Variants in IL1RAPL2 observed in about 807,000 individuals in gnomAD.
IL1RAPL2 encodes the protein X-linked interleukin-1 receptor accessory protein-like 2.
A neutral mutation model predicts 44.1 loss-of-function variants in IL1RAPL2; 3 were observed. The ratio of observed to expected loss-of-function variants is 0.07; its 90% CI spans 0.03 to 0.18. The LOEUF (loss-of-function observed/expected upper bound fraction) is 0.18. Ranked by LOEUF, IL1RAPL2 falls within the 10% of genes least tolerant of loss-of-function variation. The pLI is 1.00. For synonymous variants in IL1RAPL2, 181 were observed against 178.8 expected (o/e 1.01, Z -0.10); for missense variants, 391 against 496.4 (o/e 0.79, Z 2.02).
At chrX:105,354,265 A>G (rs1271991626) in intron 5 of IL1RAPL2, among the ~76,000 whole-genome samples, 14 of 110,512 alleles carry the variant, frequency 1.3e-4, no homozygotes, top group African/African-American at 4.3e-4. Context: ...ATGTCCAACA[A>G]TGATAGACTG....
At position 105,271,926 on chromosome X, in the gene IL1RAPL2, A is replaced by G. The variant is rs765102225; in HGVS notation, c.697+4385A>G. On this transcript the variant is annotated intron_variant, in intron 5 of 10. Coordinates refer to ENST00000372582, the MANE Select transcript of IL1RAPL2 (RefSeq NM_017416.2). ...CTTTGCTGAAGTTGCTTATCAGCTTAAGGAGATTTTGGGCTGAGACAATGG... is the reference window on the plus strand; with the variant it reads ...CTTTGCTGAAGTTGCTTATCAGCTTGAGGAGATTTTGGGCTGAGACAATGG... 9.3e-4 allele frequency among the ~76,000 whole-genome samples: 101 copies of G among 108,946 alleles called. 1 individual carries two copies. The highest frequency in any genetic ancestry group is 3.3e-3 in the African/African-American group (98 of 29,922). 94.6% of individuals were successfully genotyped at this position (108,946 alleles called of 115,157 possible). A position where few individuals can be genotyped will look rare whatever the true frequency, so the allele number is the denominator to read the frequency against.
chrX:105,007,684 G>A (rs886335471), intron 2 of IL1RAPL2, among the ~76,000 whole-genome samples: 3 of 111,434 alleles, frequency 2.7e-5, no homozygotes, highest in Non-Finnish European at 5.7e-5. Context: ...AGAGCTCTGC[G>A]CCTACCTTTT....
intron 5 of IL1RAPL2, among the ~76,000 whole-genome samples, chrX:105,359,019 C>T (rs934706447): frequency 1.8e-5 from 2 of 112,060 alleles, no homozygotes; most frequent in African/African-American, 6.5e-5. Context: ...TTTTGAATTC[C>T]TTCATCAGGC....
At chrX:105,568,609 G>A (rs1188980032) in intron 6 of IL1RAPL2, among the ~76,000 whole-genome samples, 1 of 111,974 alleles carries the variant, frequency 8.9e-6, no homozygotes, top group Non-Finnish European at 1.9e-5. Flanking sequence ...TATCCCTGAA[G>A]CTTAACATGT....
chrX:104,896,361 G>A (rs1305656941), intron 2 of IL1RAPL2, among the ~76,000 whole-genome samples: 2 of 111,585 alleles, frequency 1.8e-5, no homozygotes, highest in East Asian at 2.9e-4. Flanking sequence ...CCTTTCACTG[G>A]CCTTAAGAGT....
At chrX:105,020,561 G>A (rs1476146449) in intron 2 of IL1RAPL2, among the ~76,000 whole-genome samples, 1 of 111,701 alleles carries the variant, frequency 9.0e-6, no homozygotes, top group Non-Finnish European at 1.9e-5. Context: ...ACTACATAAG[G>A]CTATGAAAAT....
At chrX:104,968,979 C>CTGTGTGTGTGTGTGTGTGTG (rs35842489) in intron 2 of IL1RAPL2, among the ~76,000 whole-genome samples, 24 of 82,052 alleles carry the variant, frequency 2.9e-4, no homozygotes, top group African/African-American at 1.0e-3. Context: ...TTGCCTTTTG[C>CTGTGTGTGTGTGTGTGTGTG]TGTGTGTGTG....
At chrX:105,494,753 C>G (rs1200456137) in intron 6 of IL1RAPL2, among the ~76,000 whole-genome samples, 1 of 111,283 alleles carries the variant, frequency 9.0e-6, no homozygotes, top group Non-Finnish European at 1.9e-5. Context: ...CTCCTGGGCT[C>G]AAGTGATCCT....
chrX:105,202,370 G>C (rs1419186184), intron 3 of IL1RAPL2, among the ~76,000 whole-genome samples: 2 of 112,256 alleles, frequency 1.8e-5, no homozygotes, highest in African/African-American at 3.2e-5. Flanking sequence ...TAAGTGACTT[G>C]GTTTTATGGC....
chrX:105,674,484 C>T (rs947103856), intron 6 of IL1RAPL2, among the ~76,000 whole-genome samples: 3 of 111,306 alleles, frequency 2.7e-5, no homozygotes, highest in Admixed American at 9.6e-5. Flanking sequence ...GTTGTACATG[C>T]GCAATCTTAT....
intron 2 of IL1RAPL2, among the ~76,000 whole-genome samples, chrX:104,938,690 C>G (rs1169493444): frequency 9.2e-6 from 1 of 109,065 alleles, no homozygotes; most frequent in Non-Finnish European, 1.9e-5. Context: ...AAAAAAAACC[C>G]AGTAATAGCA....
chrX:105,092,231 C>A lies in IL1RAPL2; in HGVS notation c.83-103244C>A, dbSNP rs1026971812. Among the ~76,000 whole-genome samples, 4 of 111,274 alleles carry A rather than the reference C, an allele frequency of 3.6e-5. No homozygotes were observed. In the East Asian group the frequency reaches 8.5e-4, roughly 24 times the overall value. ...CCAAGACTGCACTCACTTCTGACAC[C>A]AACTGCAACTTTGGATGATTCCCAA... On this transcript the variant is annotated intron_variant, in intron 2 of 10. Coordinates refer to ENST00000372582, the MANE Select transcript of IL1RAPL2 (RefSeq NM_017416.2).
intron 2 of IL1RAPL2, among the ~76,000 whole-genome samples, chrX:104,891,902 G>T (rs1450328622): frequency 9.0e-6 from 1 of 111,430 alleles, no homozygotes; most frequent in African/African-American, 3.3e-5. Flanking sequence ...TCCAGTTTTT[G>T]CCCATTCAGT....
chrX:105,140,849 T>C (rs1374378313), intron 2 of IL1RAPL2, among the ~76,000 whole-genome samples: 2 of 111,679 alleles, frequency 1.8e-5, no homozygotes, highest in African/African-American at 6.5e-5. Flanking sequence ...TGTGGATATG[T>C]AGAGGTGAAG....
intron 2 of IL1RAPL2, among the ~76,000 whole-genome samples, chrX:104,660,384 C>T (rs1353120478): frequency 1.9e-5 from 2 of 107,688 alleles, no homozygotes; most frequent in Non-Finnish European, 3.8e-5. Context: ...GGAGCAGATC[C>T]GAAAGGAAAA....
intron 3 of IL1RAPL2, among the ~76,000 whole-genome samples, chrX:105,228,113 A>C (rs1211494604): frequency 8.9e-6 from 1 of 112,153 alleles, no homozygotes; most frequent in Non-Finnish European, 1.9e-5. Context: ...CAATGACTGT[A>C]GATCGATTAA....
chrX:105,447,912 T>A (rs2035985101), intron 5 of IL1RAPL2, among the ~76,000 whole-genome samples: 1 of 95,481 alleles, frequency 1.0e-5, no homozygotes, highest in Non-Finnish European at 2.0e-5. Flanking sequence ...ATGTTAAAAA[T>A]ATAAATATAT....
At chrX:105,515,038 AG>A (rs1374793144) in intron 6 of IL1RAPL2, among the ~76,000 whole-genome samples, 3 of 111,800 alleles carry the variant, frequency 2.7e-5, no homozygotes, top group Non-Finnish European at 5.6e-5. Flanking sequence ...GAAAATAAAT[AG>A]TAATGATAAT....
intron 5 of IL1RAPL2, among the ~76,000 whole-genome samples, chrX:105,365,935 C>T (rs2035290742): frequency 9.2e-6 from 1 of 108,429 alleles, no homozygotes; most frequent in Admixed American, 9.9e-5. Context: ...CACCACCAGA[C>T]CTGGCTAATT....
Sources: gnomAD v4.1 joint callset for allele counts (sites outside exome capture counted in the v4.1 genomes callset) on GRCh38, gnomAD v4.1.1 for gene constraint, MANE v1.5 for transcripts, NCBI Gene and HGNC (gene_info 2026-07-23, HGNC 2026-07-21) for gene names.